BBS9: variants seen among roughly 807,000 people sequenced by gnomAD.
The protein encoded by BBS9 is Bardet-Biedl syndrome 9, also known as protein PTHB1.
Under a neutral mutation model 117.7 loss-of-function variants are expected in BBS9, and 89 were observed. That is an observed-to-expected ratio of 0.76 (90% CI 0.64 to 0.90). BBS9 has a LOEUF of 0.90. Among genes scored for constraint, BBS9 ranks in the 40% least tolerant of loss-of-function variants. The pLI is 0.00. For synonymous variants in BBS9, 379 were observed against 370.9 expected, an observed-to-expected ratio of 1.02 and a Z score of -0.25; for missense variants, 982 against 1,042.2, an observed-to-expected ratio of 0.94 and a Z score of 0.80.
rs143481417 is a variant in BBS9, at chr7:33,617,492, A to G, written c.2522-17685A>G. Among the ~76,000 whole-genome samples the G allele has an allele frequency of 1.1e-3, 162 of 152,266 alleles. 2 individuals are homozygous for G. The highest frequency in any genetic ancestry group is 9.1e-3 in the South Asian group (44 of 4,828). On this transcript the variant is annotated intron_variant, in intron 21 of 21. Coordinates refer to the BBS9 transcript ENST00000671952. The stretch of plus-strand genomic sequence containing the variant: ...GTGCATGGCCACAAGGATCACAGAT[A>G]ATCAGGGAAACTTGACACTGTCATG...
intron 9 of BBS9, among the ~76,000 whole-genome samples, chr7:33,335,930 CT>C (rs921348937): frequency 1.3e-5 from 2 of 151,088 alleles, no homozygotes; most frequent in African/African-American, 2.4e-5. Flanking sequence ...ACCGGGGGCA[CT>C]TTTTTTTTCG....
intron 4 of BBS9, among the ~76,000 whole-genome samples, chr7:33,170,578 G>A (rs1241219251): frequency 3.3e-4 from 50 of 151,082 alleles, no homozygotes; most frequent in Middle Eastern, 6.8e-3. Flanking sequence ...CTCCTATTCA[G>A]CATAGTGTTG....
intron 1 of BBS9, among the ~76,000 whole-genome samples, chr7:33,135,578 T>G (rs1562650050): frequency 6.6e-6 from 1 of 152,242 alleles, no homozygotes; most frequent in Non-Finnish European, 1.5e-5. Flanking sequence ...TTAATTATTG[T>G]TGCTTTAGTA....
At chr7:33,467,055 A>G (rs181037287) in intron 19 of BBS9, among the ~76,000 whole-genome samples, 2 of 152,114 alleles carry the variant, frequency 1.3e-5, no homozygotes, top group Admixed American at 1.3e-4. Flanking sequence ...ACTCCTTACT[A>G]TGACAACTGA....
rs867065802 is a variant in BBS9 at position 33,611,670 on chromosome 7, A to G, written c.2522-23507A>G. Among the ~76,000 whole-genome samples, 134 of 138,562 alleles carry G rather than the reference A, an allele frequency of 9.7e-4. 1 individual carries two copies. In the Middle Eastern group the frequency reaches 0.012, roughly 12 times the overall value. 90.9% of individuals were successfully genotyped at this position (138,562 alleles called of 152,430 possible). The stretch of plus-strand genomic sequence containing the variant: ...GTATATTATATATTAAATGATTGAT[A>G]TTTAATCCTTAATTAATAATTAATA... On this transcript the variant is annotated intron_variant, in intron 21 of 21. Coordinates refer to the BBS9 transcript ENST00000671952.
intron 20 of BBS9, among the ~76,000 whole-genome samples, chr7:33,515,894 T>C (rs979582313): frequency 3.3e-5 from 5 of 152,236 alleles, no homozygotes; most frequent in Non-Finnish European, 7.3e-5. Context: ...TCAGTTCAAC[T>C]TTATACTTCT....
intron 19 of BBS9, among the ~76,000 whole-genome samples, chr7:33,489,908 C>T (rs1354071140): frequency 6.6e-6 from 1 of 152,128 alleles, no homozygotes; most frequent in Non-Finnish European, 1.5e-5. Context: ...CTCTTTATCA[C>T]AGTGTTGGAT....
At chr7:33,467,974 G>A (rs1419915) in intron 19 of BBS9, among the ~76,000 whole-genome samples, 116,059 of 152,110 alleles carry the variant, frequency 0.76, 44,847 homozygotes, top group African/African-American at 0.88. Flanking sequence ...TCACCTTTAA[G>A]ATAATTTTGT....
chr7:33,143,001 G>C (rs189956750), intron 1 of BBS9, among the ~76,000 whole-genome samples: 1 of 151,304 alleles, frequency 6.6e-6, no homozygotes, highest in Non-Finnish European at 1.5e-5. Flanking sequence ...ATGGAGTCTC[G>C]CTCTGTCGCC....
intron 19 of BBS9, among the ~76,000 whole-genome samples, chr7:33,454,885 G>C (rs978084624): frequency 4.6e-5 from 7 of 152,152 alleles, no homozygotes; most frequent in Admixed American, 2.0e-4. Context: ...GAGGAGTTTG[G>C]CCAGGAGTGG....
chr7:33,274,359 G>A (rs1242280770), intron 9 of BBS9, among the ~76,000 whole-genome samples: 6 of 152,154 alleles, frequency 3.9e-5, no homozygotes, highest in Admixed American at 2.0e-4. Context: ...TGTTTCAGAC[G>A]TTTCATTAAG....
chr7:33,140,615 A>G (rs1791302561), intron 1 of BBS9, among the ~76,000 whole-genome samples: 1 of 152,186 alleles, frequency 6.6e-6, no homozygotes, highest in African/African-American at 2.4e-5. Context: ...CAATTCTCCT[A>G]GGTACTTGGC....
At chr7:33,501,707 G>GC (rs781739347) in intron 19 of BBS9, among the ~76,000 whole-genome samples, 5 of 152,096 alleles carry the variant, frequency 3.3e-5, no homozygotes, top group Non-Finnish European at 7.4e-5. Flanking sequence ...TCCAGAAAAT[G>GC]CCCCAAATAT....
intron 19 of BBS9, among the ~76,000 whole-genome samples, chr7:33,437,128 C>G (rs2128889676): frequency 6.6e-6 from 1 of 152,324 alleles, no homozygotes; most frequent in East Asian, 1.9e-4. Flanking sequence ...CTTGTCTCTG[C>G]TTTAGCCCCA....
At chr7:33,206,163 A>C (rs1429150133) in intron 5 of BBS9, among the ~76,000 whole-genome samples, 3 of 152,180 alleles carry the variant, frequency 2.0e-5, no homozygotes, top group Non-Finnish European at 2.9e-5. Flanking sequence ...GCAAATCCCC[A>C]AGTACTGTAT....
At chr7:33,550,623 C>T (rs1854259221) in intron 21 of BBS9, among the ~76,000 whole-genome samples, 1 of 152,020 alleles carries the variant, frequency 6.6e-6, no homozygotes, top group African/African-American at 2.4e-5. Flanking sequence ...CAGATCTATG[C>T]TGCCAACCTT....
intron 19 of BBS9, among the ~76,000 whole-genome samples, chr7:33,412,127 A>G (rs997244286): frequency 6.6e-6 from 1 of 152,180 alleles, no homozygotes; most frequent in African/African-American, 2.4e-5. Context: ...AGATTATTCT[A>G]ATGTATTTTT....
In BBS9 at chr7:33,605,348, G is replaced by A; in HGVS notation, c.*122G>A. 9.8e-7 allele frequency: 1 copy of A among 1,021,024 alleles called. No individual in the cohort carries two copies. The highest frequency in any genetic ancestry group is 1.3e-5 in the South Asian group (1 of 77,984). 63.2% of individuals were successfully genotyped at this position (1,021,024 alleles called of 1,614,324 possible). Reference sequence around the variant, plus strand: ...GCTTCCTAAAGCTCACCTTCCTGGAGATGACATGCATAGAAAGAGGGGTTG... The same window carrying A: ...GCTTCCTAAAGCTCACCTTCCTGGAAATGACATGCATAGAAAGAGGGGTTG... On this transcript the variant is annotated 3_prime_UTR_variant, in exon 23 of 23. Coordinates refer to ENST00000242067, the MANE Select transcript of BBS9 (RefSeq NM_198428.3).
At chr7:33,164,596 G>A (rs1795372403) in intron 4 of BBS9, among the ~76,000 whole-genome samples, 1 of 152,018 alleles carries the variant, frequency 6.6e-6, no homozygotes, top group African/African-American at 2.4e-5. Context: ...GGCCTTCTTT[G>A]TCTCTTTTGA....
Sources: allele counts gnomAD v4.1 joint callset (sites outside exome capture counted in the v4.1 genomes callset), GRCh38; gene constraint gnomAD v4.1.1; transcripts MANE v1.5; gene names NCBI Gene and HGNC (gene_info 2026-07-23, HGNC 2026-07-21).